CEP112: variants seen among roughly 807,000 people sequenced by gnomAD.
CEP112 encodes centrosomal protein of 112 kDa.
CEP112 carries 127 observed loss-of-function variants against 153.0 expected under a neutral mutation model. The ratio of observed to expected loss-of-function variants is 0.83; its 90% CI spans 0.72 to 0.96. The LOEUF (loss-of-function observed/expected upper bound fraction) is 0.96. CEP112 is among the 40% of genes least tolerant of loss of function. CEP112 has a pLI of 0.00. For missense variants in CEP112, 1,089 were observed against 1,101.2 expected (o/e 0.99, Z 0.16); for synonymous variants, 358 against 374.4 (o/e 0.96, Z 0.51).
intron 21 of CEP112, among the ~76,000 whole-genome samples, chr17:65,772,605 C>CAG: frequency 1.8e-5 from 1 of 56,072 alleles, no homozygotes; most frequent in Non-Finnish European, 3.4e-5. Context: ...CACACACACA[C>CAG]ACACACACAC....
chr17:66,018,919 A>G (rs1026163399), intron 16 of CEP112, among the ~76,000 whole-genome samples: 6 of 152,206 alleles, frequency 3.9e-5, no homozygotes, highest in African/African-American at 1.2e-4. Flanking sequence ...AACAAGCAAT[A>G]GGTTATCTGT....
At position 65,885,490 on chromosome 17, in the gene CEP112, T is replaced by G. The variant is rs35966746; in HGVS notation, c.2163+16662A>C. Among the ~76,000 whole-genome samples the G allele has an allele frequency of 1.7e-3, 246 of 148,932 alleles. 4 individuals are homozygous for G. Among genetic ancestry groups the G allele is most frequent in the Non-Finnish European group, 2.1e-3 (143 of 66,952 alleles). On this transcript the variant is annotated intron_variant, in intron 20 of 26. Transcript: ENST00000535342. ...TTTAAAGTTATGTTGTTTTCCTTTT[T>G]AAAAAAAAAACGGTTTGAATTAACT...
intron 17 of CEP112, among the ~76,000 whole-genome samples, chr17:65,978,390 A>G (rs1314199923): frequency 6.6e-6 from 1 of 152,264 alleles, no homozygotes; most frequent in Non-Finnish European, 1.5e-5. Context: ...TCAGGAAAAG[A>G]GCAATGAAGT....
intron 23 of CEP112, among the ~76,000 whole-genome samples, chr17:65,721,012 T>TCA (rs1170399824): frequency 1.4e-5 from 2 of 139,862 alleles, no homozygotes; most frequent in Non-Finnish European, 1.5e-5. Flanking sequence ...TCTCTCTCTT[T>TCA]TTTTTTTTTT....
chr17:65,979,536 T>A (rs2063154905), intron 17 of CEP112, among the ~76,000 whole-genome samples: 1 of 152,196 alleles, frequency 6.6e-6, no homozygotes, highest in Non-Finnish European at 1.5e-5. Flanking sequence ...CCACTGTGTC[T>A]GGCCTTAGGC....
At chr17:65,763,690 T>C (rs2052751021) in intron 21 of CEP112, among the ~76,000 whole-genome samples, 1 of 152,054 alleles carries the variant, frequency 6.6e-6, no homozygotes, top group South Asian at 2.1e-4. Flanking sequence ...TCTCTCTGCT[T>C]ACACTGCCCA....
chr17:66,146,194 A>T (rs1484609548), intron 4 of CEP112, among the ~76,000 whole-genome samples: 1 of 152,158 alleles, frequency 6.6e-6, no homozygotes, highest in African/African-American at 2.4e-5. Context: ...GGGAAGATTG[A>T]TAAAATTTCT....
At chr17:65,857,345 T>C (rs2058156708) in intron 20 of CEP112, among the ~76,000 whole-genome samples, 1 of 152,232 alleles carries the variant, frequency 6.6e-6, no homozygotes, top group African/African-American at 2.4e-5. Flanking sequence ...ACAATGTGCA[T>C]TCCTTCATTT....
chr17:65,826,552 AG>A, intron 21 of CEP112: 1 of 1,313,928 alleles, frequency 7.6e-7, no homozygotes, highest in African/African-American at 1.5e-5. Flanking sequence ...ATGTGATGCC[AG>A]GGCTAAAGGG....
chr17:65,924,768 T>C (rs2060860040), intron 19 of CEP112, among the ~76,000 whole-genome samples: 1 of 152,128 alleles, frequency 6.6e-6, no homozygotes, highest in Non-Finnish European at 1.5e-5. Context: ...TTTAGCTCAT[T>C]TACACTCCCT....
chr17:65,929,949 G>A lies in CEP112; in HGVS notation c.1873-2260C>T, dbSNP rs533430384. On this transcript the variant is annotated intron_variant, in intron 18 of 26. Coordinates refer to ENST00000535342, the MANE Select transcript of CEP112 (RefSeq NM_001199165.4). ...GAGATGTTCTTACAGTCATGAAAAA[G>A]CTCTCCATGTCAACAACATGAAAAT... 2.6e-5 allele frequency among the ~76,000 whole-genome samples: 4 copies of A among 152,296 alleles called. No homozygotes were observed. The East Asian group carries it at 7.7e-4, about 29-fold the overall frequency.
At chr17:65,682,533 T>C (rs895329820) in intron 24 of CEP112, among the ~76,000 whole-genome samples, 4 of 152,208 alleles carry the variant, frequency 2.6e-5, no homozygotes, top group African/African-American at 9.7e-5. Context: ...TGCTGACAAC[T>C]GCTTTCTAAC....
intron 23 of CEP112, among the ~76,000 whole-genome samples, chr17:65,732,064 G>A (rs932744419): frequency 1.3e-5 from 2 of 152,116 alleles, no homozygotes; most frequent in Non-Finnish European, 2.9e-5. Flanking sequence ...AATTTACTTT[G>A]CCCAGTTCCA....
chr17:66,031,473 GTTTT>G (rs373101324), intron 12 of CEP112, among the ~76,000 whole-genome samples: 8 of 120,012 alleles, frequency 6.7e-5, no homozygotes, highest in African/African-American at 2.4e-4. Context: ...GTTTTGTTTT[GTTTT>G]TTTTTTTTGT....
intron 24 of CEP112, among the ~76,000 whole-genome samples, chr17:65,667,795 G>A (rs962490523): frequency 6.6e-6 from 1 of 152,020 alleles, no homozygotes; most frequent in African/African-American, 2.4e-5. Flanking sequence ...ACTCAATAAT[G>A]AGTCACAGCA....
At chr17:65,739,628 T>C (rs569539602) in intron 23 of CEP112, among the ~76,000 whole-genome samples, 79 of 151,716 alleles carry the variant, frequency 5.2e-4, no homozygotes, top group African/African-American at 1.9e-3. Context: ...CTCAGCTGCT[T>C]GGGAGGCTGA....
chr17:65,950,019 A>G (rs1468707860), intron 18 of CEP112, among the ~76,000 whole-genome samples: 1 of 152,144 alleles, frequency 6.6e-6, no homozygotes, highest in East Asian at 1.9e-4. Context: ...CATCTCACAC[A>G]CTGTATTTTT....
chr17:65,649,072 A>AC lies in CEP112; in HGVS notation c.2698-8008_2698-8007insG, dbSNP rs1491582460. Among the ~76,000 whole-genome samples, 274 of 57,598 alleles carry AC rather than the reference A, an allele frequency of 4.8e-3. 1 individual carries two copies. The highest frequency in any genetic ancestry group is 0.029 in the East Asian group (10 of 350). 37.8% of individuals were successfully genotyped at this position (57,598 alleles called of 152,430 possible). A position where few individuals can be genotyped will look rare whatever the true frequency, so the allele number is the denominator to read the frequency against. On this transcript the variant is annotated intron_variant, in intron 24 of 26. Transcript: ENST00000535342. ...TCTCAAAACAAACAAACAAACAAACAAACACACACACACACACACACACAC... is the reference window on the plus strand; with the variant it reads ...TCTCAAAACAAACAAACAAACAAACACAACACACACACACACACACACACAC...
At chr17:66,037,003 A>C (rs2065766493) in intron 12 of CEP112, among the ~76,000 whole-genome samples, 1 of 152,146 alleles carries the variant, frequency 6.6e-6, no homozygotes. Flanking sequence ...AATCTATTAT[A>C]ATAAAGGGCT....
Sources: allele counts gnomAD v4.1 joint callset (sites outside exome capture counted in the v4.1 genomes callset), GRCh38; gene constraint gnomAD v4.1.1; transcripts MANE v1.5; gene names NCBI Gene and HGNC (gene_info 2026-07-23, HGNC 2026-07-21).